The following TFEC variants were observed in gnomAD, a reference collection of about 807,000 sequenced individuals.
TFEC encodes class E basic helix-loop-helix protein 34.
In TFEC, 31 loss-of-function variants were observed where a neutral mutation model predicts 41.6. The ratio of observed to expected loss-of-function variants is 0.74; its 90% confidence interval spans 0.56 to 1.01. TFEC has a LOEUF of 1.01. TFEC is among the 50% of genes least tolerant of loss of function. The pLI is 0.00. For synonymous variants in TFEC, 143 were observed against 140.6 expected (o/e 1.02, Z -0.12); for missense variants, 402 against 404.1 (o/e 0.99, Z 0.04).
At chr7:116,018,565 A>T (rs1446633492) in intron 1 of TFEC, among the ~76,000 whole-genome samples, 2 of 152,214 alleles carry the variant, frequency 1.3e-5, no homozygotes, top group Non-Finnish European at 2.9e-5. Context: ...CTTTGGGAAG[A>T]TCATTCTACT....
At chr7:115,989,377 C>T (rs1017869984) in intron 1 of TFEC, among the ~76,000 whole-genome samples, 1 of 152,174 alleles carries the variant, frequency 6.6e-6, no homozygotes, top group Non-Finnish European at 1.5e-5. Context: ...TGAGGTACCA[C>T]GTTCATCTCA....
rs1045195747 is a variant in TFEC at position 115,936,346 on chromosome 7, A to G, written c.*4205T>C. 4.0e-5 allele frequency: 6 copies of G among 151,698 alleles called. No homozygotes were observed. Among genetic ancestry groups the G allele is most frequent in the African/African-American group, 1.4e-4 (6 of 41,420 alleles). 9.4% of individuals were successfully genotyped at this position (151,698 alleles called of 1,614,324 possible). ...TAATTCCATGTAGCACATAGAGACTATGCCATTATCAATACTGAAACAAAA... is the reference window on the plus strand; with the variant it reads ...TAATTCCATGTAGCACATAGAGACTGTGCCATTATCAATACTGAAACAAAA... On this transcript the variant is annotated 3_prime_UTR_variant, in exon 8 of 8. Transcript: ENST00000265440.
intron 5 of TFEC, among the ~76,000 whole-genome samples, chr7:115,953,665 A>T (rs1284357952): frequency 6.6e-6 from 1 of 152,018 alleles, no homozygotes; most frequent in Non-Finnish European, 1.5e-5. Context: ...GACCAAAGTT[A>T]TCTGCTCTGA....
At chr7:116,010,762 TCTC>T (rs1794971149) in intron 1 of TFEC, among the ~76,000 whole-genome samples, 1 of 152,128 alleles carries the variant, frequency 6.6e-6, no homozygotes, top group South Asian at 2.1e-4. Flanking sequence ...TTTTCCCCCT[TCTC>T]CTTATTGAAT....
At chr7:116,079,231 T>C (rs959164070) in intron 3 of TFEC, among the ~76,000 whole-genome samples, 3 of 151,942 alleles carry the variant, frequency 2.0e-5, no homozygotes, top group African/African-American at 7.2e-5. Context: ...CACTACTGAA[T>C]GGGAAAAAAT....
At chr7:116,051,990 C>T (rs188213516) in intron 3 of TFEC, among the ~76,000 whole-genome samples, 35 of 151,762 alleles carry the variant, frequency 2.3e-4, no homozygotes, top group Admixed American at 7.2e-4. Context: ...AAGGATGAAA[C>T]TCCCATTTCC....
At chr7:115,990,489 A>G (rs772531800) in intron 1 of TFEC, among the ~76,000 whole-genome samples, 2 of 152,198 alleles carry the variant, frequency 1.3e-5, no homozygotes, top group African/African-American at 2.4e-5. Flanking sequence ...CCTTGAAAAG[A>G]GATTAGACGA....
rs1035744984 is a variant in TFEC at position 115,945,898 on chromosome 7, A to G, written c.516-3858T>C. The stretch of plus-strand genomic sequence containing the variant: ...TTCCATGTTGTCTGTGTCTGCTTTC[A>G]TGCTACAATGCCAGAGTTAAATAAT... On this transcript the variant is annotated intron_variant, in intron 6 of 7. Transcript: ENST00000265440. Among the ~76,000 whole-genome samples the G allele has an allele frequency of 4.6e-5, 7 of 151,744 alleles. 1 individual carries two copies. The highest frequency in any genetic ancestry group is 3.9e-4 in the East Asian group (2 of 5,124).
chr7:115,935,931 A>T lies in TFEC; in HGVS notation c.*4620T>A, dbSNP rs910854632. ...GATAAAAAGTTCCCTTTTATGTATA[A>T]AGCAGTAGACAATAGTACTTCATCA... is the stretch of plus-strand genomic sequence containing the variant. On this transcript the variant is annotated 3_prime_UTR_variant, in exon 8 of 8. Transcript: ENST00000265440. The T allele has an allele frequency of 2.0e-5, 3 of 151,652 alleles. No homozygotes were observed. The highest frequency in any genetic ancestry group is 7.2e-5 in the African/African-American group (3 of 41,510). 9.4% of individuals were successfully genotyped at this position (151,652 alleles called of 1,614,324 possible).
chr7:116,077,103 G>C (rs1796977042), intron 3 of TFEC, among the ~76,000 whole-genome samples: 1 of 152,238 alleles, frequency 6.6e-6, no homozygotes, highest in South Asian at 2.1e-4. Flanking sequence ...CAAACTAGAA[G>C]GGATTGAGGT....
intron 3 of TFEC, among the ~76,000 whole-genome samples, chr7:115,966,819 T>C (rs989061909): frequency 2.0e-5 from 3 of 151,766 alleles, no homozygotes; most frequent in Admixed American, 1.3e-4. Flanking sequence ...ATTCCTTCAA[T>C]AAGCATCCAA....
intron 5 of TFEC, among the ~76,000 whole-genome samples, chr7:115,953,887 T>C (rs1792079313): frequency 6.6e-6 from 1 of 152,114 alleles, no homozygotes; most frequent in South Asian, 2.1e-4. Flanking sequence ...TGCAATATTT[T>C]ATTTATTTTA....
At chr7:115,994,335 C>T (rs929181727) in intron 1 of TFEC, among the ~76,000 whole-genome samples, 1 of 146,708 alleles carries the variant, frequency 6.8e-6, no homozygotes, top group Non-Finnish European at 1.5e-5. Flanking sequence ...GCAATGGCAA[C>T]AAAAGCCAAA....
At chr7:116,116,622 T>C (rs1317495340) in intron 1 of TFEC, among the ~76,000 whole-genome samples, 1 of 151,966 alleles carries the variant, frequency 6.6e-6, no homozygotes, top group Non-Finnish European at 1.5e-5. Context: ...AAACATTTAC[T>C]GACCATCTTC....
chr7:116,138,088 G>A (rs554911282), intron 1 of TFEC, among the ~76,000 whole-genome samples: 3 of 152,130 alleles, frequency 2.0e-5, no homozygotes, highest in East Asian at 1.9e-4. Context: ...TTTCTGCTAC[G>A]TAAATCTGCC....
chr7:116,145,807 C>T (rs1241486967), intron 1 of TFEC, among the ~76,000 whole-genome samples: 3 of 152,162 alleles, frequency 2.0e-5, no homozygotes, highest in African/African-American at 7.2e-5. Context: ...CATTCTAGAG[C>T]AGGCAAAACT....
At chr7:116,049,656 C>T (rs1796260658) in intron 3 of TFEC, among the ~76,000 whole-genome samples, 1 of 152,206 alleles carries the variant, frequency 6.6e-6, no homozygotes, top group Non-Finnish European at 1.5e-5. Flanking sequence ...AACTCTCCAC[C>T]ACAAATCAAC....
intron 3 of TFEC, among the ~76,000 whole-genome samples, chr7:116,083,644 C>T (rs7804495): frequency 0.13 from 19,098 of 151,886 alleles, 1,503 homozygotes; most frequent in African/African-American, 0.22. Context: ...ACCTTCTCAC[C>T]ATGGTCTTAA....
At chr7:116,149,652 G>A (rs896062171) in intron 1 of TFEC, among the ~76,000 whole-genome samples, 10 of 152,114 alleles carry the variant, frequency 6.6e-5, no homozygotes, top group Non-Finnish European at 1.5e-4. Flanking sequence ...TATCATTGAT[G>A]AACAGAGATG....
Sources: gnomAD v4.1 joint callset for allele counts (sites outside exome capture counted in the v4.1 genomes callset) on GRCh38, gnomAD v4.1.1 for gene constraint, MANE v1.5 for transcripts, NCBI Gene and HGNC (gene_info 2026-07-23, HGNC 2026-07-21) for gene names.